LRP1B: variants seen among roughly 807,000 people sequenced by gnomAD.
LRP1B encodes LDL receptor related protein 1B, also known as low-density lipoprotein receptor-related protein 1B.
LRP1B carries 217 observed loss-of-function variants against 556.6 expected under a neutral mutation model. The ratio of observed to expected loss-of-function variants is 0.39; its 90% CI spans 0.35 to 0.44. The LOEUF (loss-of-function observed/expected upper bound fraction) is 0.44, where lower values mean the gene tolerates loss of function less well. Ranked by LOEUF, LRP1B falls within the 20% of genes least tolerant of loss-of-function variation. LRP1B has a pLI of 1.00. For synonymous variants in LRP1B, 2,047 were observed against 1,865.8 expected, an observed-to-expected ratio of 1.10 and a Z score of -2.50; for missense variants, 5,053 against 5,620.8, an observed-to-expected ratio of 0.90 and a Z score of 3.23.
intron 1 of LRP1B, among the ~76,000 whole-genome samples, chr2:141,857,277 C>G (rs74333332): frequency 0.019 from 2,929 of 151,962 alleles, 76 homozygotes; most frequent in South Asian, 0.067. Flanking sequence ...CATTATCATA[C>G]AATTAGAAGG....
intron 60 of LRP1B, among the ~76,000 whole-genome samples, chr2:140,464,281 A>G (rs1573967963): frequency 6.6e-6 from 1 of 152,216 alleles, no homozygotes; most frequent in Admixed American, 6.5e-5. Context: ...AGCCATTATT[A>G]GAGCTGAAGG....
chr2:140,511,444 G>A (rs1188370573), intron 51 of LRP1B, among the ~76,000 whole-genome samples: 1 of 151,968 alleles, frequency 6.6e-6, no homozygotes, highest in Non-Finnish European at 1.5e-5. Flanking sequence ...TGGGACTACA[G>A]GCGCCCGCCT....
chr2:141,727,434 G>T (rs960709775), intron 2 of LRP1B, among the ~76,000 whole-genome samples: 7 of 152,134 alleles, frequency 4.6e-5, no homozygotes, highest in Non-Finnish European at 7.3e-5. Flanking sequence ...CAGGTTGGCA[G>T]TCTGACTCAC....
chr2:141,785,797 G>T (rs1695414451), intron 2 of LRP1B, among the ~76,000 whole-genome samples: 1 of 151,340 alleles, frequency 6.6e-6, no homozygotes, highest in South Asian at 2.1e-4. Context: ...TTTGGGAAAA[G>T]GGCAGATAAA....
intron 82 of LRP1B, among the ~76,000 whole-genome samples, chr2:140,315,728 T>C (rs1684492287): frequency 6.6e-6 from 1 of 152,206 alleles, no homozygotes; most frequent in African/African-American, 2.4e-5. Flanking sequence ...AACTTTAAAT[T>C]TGTAAGATAC....
intron 7 of LRP1B, among the ~76,000 whole-genome samples, chr2:141,079,281 T>A (rs1346990295): frequency 6.6e-6 from 1 of 152,188 alleles, no homozygotes; most frequent in Non-Finnish European, 1.5e-5. Flanking sequence ...AAACATTTTC[T>A]GTATCTAATA....
chr2:141,573,635 C>CAA (rs56779099), intron 2 of LRP1B, among the ~76,000 whole-genome samples: 325 of 115,432 alleles, frequency 2.8e-3, no homozygotes, highest in African/African-American at 9.6e-3. Flanking sequence ...AAAAACCCTC[C>CAA]AAAAAAAAAA....
intron 84 of LRP1B, among the ~76,000 whole-genome samples, chr2:140,285,157 G>A (rs141522769): frequency 4.6e-4 from 69 of 149,532 alleles, no homozygotes; most frequent in African/African-American, 1.6e-3. Flanking sequence ...ATGTATATAT[G>A]TGTGTGTAGA....
chr2:140,927,750 A>G (rs1166554453), intron 20 of LRP1B, among the ~76,000 whole-genome samples: 2 of 127,432 alleles, frequency 1.6e-5, no homozygotes, highest in Non-Finnish European at 3.1e-5. Context: ...CTTGTTGTCC[A>G]GGCTGGAGTG....
At chr2:141,212,696 T>G (rs974675385) in intron 6 of LRP1B, among the ~76,000 whole-genome samples, 9 of 152,094 alleles carry the variant, frequency 5.9e-5, no homozygotes, top group Non-Finnish European at 1.3e-4. Flanking sequence ...TCTCTAGGTA[T>G]ATGCAAGGAA....
At chr2:140,364,835 T>G (rs757703455) in intron 71 of LRP1B, 52 bp from the exon 72 acceptor site, 2 of 1,553,158 alleles carry the variant, frequency 1.3e-6, no homozygotes, top group South Asian at 2.3e-5. Context: ...TCAGTGCCAG[T>G]CAGCAGGATC....
At position 140,238,239 on chromosome 2, in the gene LRP1B, G is replaced by T; in HGVS notation, c.13473C>A (p.Gly4491=). 1 of 1,589,248 alleles carries T rather than the reference G, an allele frequency of 6.3e-7. No individual in the cohort carries two copies. Among genetic ancestry groups the T allele is most frequent in the Non-Finnish European group, 8.6e-7 (1 of 1,159,720 alleles). ...CCTCATACATGTTATAAGATGGATT[G>T]CCAATTTCTACATTTATTCCTCCAT... ...IINGGINVEI[G]NPSYNMYEVD... is the part of the protein sequence containing the mutation. The change falls in exon 89 of 91, where the codon GGC becomes GGA. Residue 4491 remains glycine, a synonymous_variant. Coordinates refer to ENST00000389484, the MANE Select transcript of LRP1B (RefSeq NM_018557.3).
chr2:141,331,838 T>A (rs1292116387), intron 3 of LRP1B, among the ~76,000 whole-genome samples: 2 of 152,168 alleles, frequency 1.3e-5, no homozygotes, highest in Non-Finnish European at 2.9e-5. Context: ...TTATGGAGAA[T>A]TGTCTCCAAA....
intron 18 of LRP1B, among the ~76,000 whole-genome samples, chr2:140,964,849 G>C (rs1027853804): frequency 4.6e-5 from 7 of 152,160 alleles, no homozygotes; most frequent in African/African-American, 1.7e-4. Context: ...CACAACCTGG[G>C]AGGCTGAGGC....
At chr2:140,701,066 C>A (rs1179081827) in intron 40 of LRP1B, among the ~76,000 whole-genome samples, 1 of 151,924 alleles carries the variant, frequency 6.6e-6, no homozygotes, top group African/African-American at 2.4e-5. Context: ...ATATGCTGAG[C>A]ATAAGTTCTT....
At chr2:141,364,956 G>T (rs1490350439) in intron 3 of LRP1B, among the ~76,000 whole-genome samples, 1 of 152,158 alleles carries the variant, frequency 6.6e-6, no homozygotes, top group Non-Finnish European at 1.5e-5. Flanking sequence ...AAAGAAACAT[G>T]TTCTAATAAA....
chr2:141,496,704 G>A (rs1468418410), intron 2 of LRP1B, among the ~76,000 whole-genome samples: 1 of 151,880 alleles, frequency 6.6e-6, no homozygotes, highest in Non-Finnish European at 1.5e-5. Flanking sequence ...TCATAGTCAG[G>A]TAAAAATCTT....
intron 1 of LRP1B, among the ~76,000 whole-genome samples, chr2:141,950,943 G>C (rs1701089238): frequency 6.6e-6 from 1 of 152,048 alleles, no homozygotes; most frequent in Non-Finnish European, 1.5e-5. Flanking sequence ...CTTGGTTGAA[G>C]TCTTGGAGGT....
intron 41 of LRP1B, among the ~76,000 whole-genome samples, chr2:140,638,439 A>G (rs1178778844): frequency 6.6e-6 from 1 of 152,136 alleles, no homozygotes; most frequent in Non-Finnish European, 1.5e-5. Flanking sequence ...ATGAATGATA[A>G]TCTAGTGGGT....
Sources: gnomAD v4.1 joint callset for allele counts (sites outside exome capture counted in the v4.1 genomes callset) on GRCh38, gnomAD v4.1.1 for gene constraint, MANE v1.5 for transcripts, NCBI Gene and HGNC (gene_info 2026-07-23, HGNC 2026-07-21) for gene names.